The following UGT8 variants were observed in gnomAD, a reference collection of about 807,000 sequenced individuals.
UGT8 encodes the protein 2-hydroxyacylsphingosine 1-beta-galactosyltransferase.
A neutral mutation model predicts 40.5 loss-of-function variants in UGT8; 12 were observed. The ratio of observed to expected loss-of-function variants is 0.30; its 90% CI spans 0.19 to 0.48. The LOEUF (loss-of-function observed/expected upper bound fraction) is 0.48. Ranked by LOEUF, UGT8 falls within the 20% of genes least tolerant of loss-of-function variation. The probability of loss-of-function intolerance (pLI) is 0.99; values close to 1 mark genes in which losing one functional copy is unlikely to be tolerated. For missense variants in UGT8, 513 were observed against 648.7 expected (o/e 0.79, Z 2.27); for synonymous variants, 224 against 240.4 (o/e 0.93, Z 0.63).
intron 2 of UGT8, among the ~76,000 whole-genome samples, chr4:114,650,663 G>A (rs889173905): frequency 3.3e-5 from 5 of 151,834 alleles, no homozygotes; most frequent in African/African-American, 1.2e-4. Context: ...TCTGACTTTT[G>A]GTCATTGGTT....
At chr4:114,674,351 C>G (rs1363461099) in intron 5 of UGT8, among the ~76,000 whole-genome samples, 1 of 152,156 alleles carries the variant, frequency 6.6e-6, no homozygotes, top group Non-Finnish European at 1.5e-5. Context: ...TGATCTCTCC[C>G]TTTCCCTTCA....
intron 2 of UGT8, among the ~76,000 whole-genome samples, chr4:114,645,340 T>C (rs998018010): frequency 2.6e-5 from 4 of 152,204 alleles, no homozygotes; most frequent in Non-Finnish European, 5.9e-5. Flanking sequence ...TGATATCCTA[T>C]GAGGTGTAAG....
At chr4:114,650,486 A>G (rs1733836312) in intron 2 of UGT8, among the ~76,000 whole-genome samples, 1 of 152,170 alleles carries the variant, frequency 6.6e-6, no homozygotes, top group Non-Finnish European at 1.5e-5. Context: ...AAAGCCTCAT[A>G]TCTTTTGAAG....
intron 1 of UGT8, among the ~76,000 whole-genome samples, chr4:114,605,036 A>G (rs1730656737): frequency 6.6e-6 from 1 of 152,152 alleles, no homozygotes; most frequent in Non-Finnish European, 1.5e-5. Flanking sequence ...TATATTCACC[A>G]AGTCAGTTTT....
Position 114,673,424 on chromosome 4 carries a change from A to G in UGT8, c.1263-2501A>G, listed in dbSNP as rs144699650. Reference sequence around the variant, plus strand: ...GTTAGCAATCCAGCTTTATAAGTCTACTCCTAGGTGGGACTAAGAGTCTGA... The same window carrying G: ...GTTAGCAATCCAGCTTTATAAGTCTGCTCCTAGGTGGGACTAAGAGTCTGA... On this transcript the variant is annotated intron_variant, in intron 5 of 5. Transcript: ENST00000310836. Among the ~76,000 whole-genome samples the G allele has an allele frequency of 2.0e-5, 3 of 152,258 alleles. No homozygotes were observed. In the East Asian group the frequency reaches 5.8e-4, roughly 29 times the overall value.
At chr4:114,609,543 T>C (rs1425886714) in intron 1 of UGT8, among the ~76,000 whole-genome samples, 4 of 152,216 alleles carry the variant, frequency 2.6e-5, no homozygotes, top group African/African-American at 9.6e-5. Flanking sequence ...TCCCTTTCAC[T>C]TTTCTGGAGA....
At position 114,676,009 on chromosome 4, in the gene UGT8, T is replaced by C. The variant is rs751068382; in HGVS notation, c.1347T>C (p.Asp449=). 6.2e-7 allele frequency: 1 copy of C among 1,614,184 alleles called. No homozygotes were observed. The highest frequency in any genetic ancestry group is 1.1e-5 in the South Asian group (1 of 91,088). The change falls in exon 6 of 6, where the codon GAT becomes GAC. Residue 449 remains aspartate (D), a synonymous_variant. Transcript: ENST00000310836. ...HPVNRTIYWI[D]YIIRHNGAHH... is the part of the protein sequence containing the mutation. ...TCAATCGAACTATCTATTGGATAGA[T>C]TATATTATTCGTCACAATGGAGCCC...
intron 4 of UGT8, among the ~76,000 whole-genome samples, chr4:114,666,027 G>T (rs986901832): frequency 3.3e-5 from 5 of 151,950 alleles, no homozygotes; most frequent in Non-Finnish European, 7.4e-5. Context: ...TAATTATCTG[G>T]AAATTATGTA....
intron 2 of UGT8, among the ~76,000 whole-genome samples, chr4:114,633,958 A>T (rs1464437532): frequency 6.6e-6 from 1 of 151,520 alleles, no homozygotes; most frequent in Non-Finnish European, 1.5e-5. Flanking sequence ...AAAAAGGATC[A>T]CTCTGGTTGC....
intron 2 of UGT8, among the ~76,000 whole-genome samples, chr4:114,656,496 G>T (rs914719123): frequency 6.6e-6 from 1 of 152,084 alleles, no homozygotes; most frequent in Non-Finnish European, 1.5e-5. Context: ...CAGTGTACTT[G>T]CTGTTTATCC....
intron 1 of UGT8, among the ~76,000 whole-genome samples, chr4:114,613,858 G>T (rs1016004133): frequency 6.6e-6 from 1 of 152,050 alleles, no homozygotes; most frequent in East Asian, 1.9e-4. Context: ...TCTTCTGGAC[G>T]CCAGAATTTG....
chr4:114,646,958 T>C (rs999693355), intron 2 of UGT8, among the ~76,000 whole-genome samples: 1 of 152,200 alleles, frequency 6.6e-6, no homozygotes, highest in Admixed American at 6.5e-5. Flanking sequence ...AACATGACTA[T>C]TGATCTAGGG....
chr4:114,650,984 C>T (rs1291551731), intron 2 of UGT8, among the ~76,000 whole-genome samples: 2 of 151,794 alleles, frequency 1.3e-5, no homozygotes, highest in Admixed American at 6.6e-5. Flanking sequence ...ATAGACTTTC[C>T]TACCTGAAAC....
At position 114,677,559 on chromosome 4, in the gene UGT8, T is replaced by G. The variant is rs1386349441; in HGVS notation, c.*1271T>G. 6.6e-6 allele frequency: 1 copy of G among 152,260 alleles called. No individual in the cohort carries two copies. Among genetic ancestry groups the G allele is most frequent in the Non-Finnish European group, 1.5e-5 (1 of 68,060 alleles). The allele number at this position is 152,260 out of a possible 1,614,324, so 9.4% of individuals were successfully genotyped here. On this transcript the variant is annotated 3_prime_UTR_variant, in exon 6 of 6. Transcript: ENST00000310836. ...CCTTTTCCGGTCATTGTAGCTGACA[T>G]GGAGCAGTGACAGTATTCATTTGAG...
At chr4:114,637,948 C>T (rs753620280) in intron 2 of UGT8, among the ~76,000 whole-genome samples, 1 of 152,204 alleles carries the variant, frequency 6.6e-6, no homozygotes, top group Non-Finnish European at 1.5e-5. Flanking sequence ...TTCAGAATTA[C>T]AGGCTAAAAT....
chr4:114,618,735 A>G (rs1235242792), intron 1 of UGT8, among the ~76,000 whole-genome samples: 1 of 152,210 alleles, frequency 6.6e-6, no homozygotes, highest in East Asian at 1.9e-4. Context: ...TTAAAGCTAA[A>G]CATTTTTAAT....
chr4:114,626,538 A>G (rs1732234006), intron 2 of UGT8, among the ~76,000 whole-genome samples: 1 of 152,252 alleles, frequency 6.6e-6, no homozygotes, highest in African/African-American at 2.4e-5. Flanking sequence ...TTGATCCTAA[A>G]GAAATCCTGT....
At chr4:114,666,420 A>G (rs986983083) in intron 4 of UGT8, among the ~76,000 whole-genome samples, 1 of 152,116 alleles carries the variant, frequency 6.6e-6, no homozygotes, top group Non-Finnish European at 1.5e-5. Flanking sequence ...TTAACTAAAA[A>G]CCAGTAAAGA....
chr4:114,652,611 A>G (rs1262869836), intron 2 of UGT8, among the ~76,000 whole-genome samples: 1 of 152,018 alleles, frequency 6.6e-6, no homozygotes, highest in African/African-American at 2.4e-5. Flanking sequence ...CTGTGAGCAT[A>G]GTGATAAATT....
Sources: allele counts gnomAD v4.1 joint callset (sites outside exome capture counted in the v4.1 genomes callset), GRCh38; gene constraint gnomAD v4.1.1; transcripts MANE v1.5; gene names NCBI Gene and HGNC (gene_info 2026-07-23, HGNC 2026-07-21).